The following BUD13 variants were observed in gnomAD, a reference collection of about 807,000 sequenced individuals.
BUD13 encodes the protein BUD13 homolog.
BUD13 carries 47 observed loss-of-function variants against 62.5 expected under a neutral mutation model. That is an observed-to-expected ratio of 0.75 (90% CI 0.60 to 0.96). The LOEUF (loss-of-function observed/expected upper bound fraction) is 0.96, where lower values mean the gene tolerates loss of function less well. Among genes scored for constraint, BUD13 ranks in the 40% least tolerant of loss-of-function variants. The probability of loss-of-function intolerance (pLI) is 0.00; values close to 1 mark genes in which losing one functional copy is unlikely to be tolerated. For synonymous variants in BUD13, 293 were observed against 280.1 expected (o/e 1.05, Z -0.46); for missense variants, 821 against 790.9 (o/e 1.04, Z -0.46).
intron 2 of BUD13, 136 bp from the exon 3 acceptor site, chr11:116,765,582 G>A: frequency 5.2e-6 from 4 of 767,232 alleles, no homozygotes; most frequent in Non-Finnish European, 8.7e-6. Flanking sequence ...TCATGAAGAA[G>A]TAAGTAGGGG....
intron 9 of BUD13, among the ~76,000 whole-genome samples, chr11:116,753,380 G>A (rs181290688): frequency 8.0e-4 from 122 of 152,238 alleles, no homozygotes; most frequent in African/African-American, 2.7e-3. Flanking sequence ...ATACCATCAG[G>A]CCAATTAAAA....
intron 9 of BUD13, among the ~76,000 whole-genome samples, chr11:116,750,602 A>G (rs965247332): frequency 2.0e-5 from 3 of 151,988 alleles, no homozygotes; most frequent in Admixed American, 6.6e-5. Flanking sequence ...CTTACTAACC[A>G]TCCTTACTAC....
chr11:116,766,804 T>C (rs1316189111), intron 2 of BUD13, among the ~76,000 whole-genome samples: 2 of 152,200 alleles, frequency 1.3e-5, no homozygotes, highest in Non-Finnish European at 2.9e-5. Context: ...AATTCAGTAA[T>C]CAAGATCTGT....
At chr11:116,750,003 G>T (rs560676719) in intron 9 of BUD13, among the ~76,000 whole-genome samples, 5 of 152,318 alleles carry the variant, frequency 3.3e-5, no homozygotes, top group Non-Finnish European at 7.4e-5. Flanking sequence ...TGAATACAAT[G>T]CATTTGAAAT....
Position 116,772,901 on chromosome 11 carries a change from C to G in BUD13, c.64G>C (p.Ala22Pro). Residue 22 changes from alanine (A) to proline (P), a missense_variant, in exon 1 of 10, where the codon GCC (alanine) becomes CCC (proline). By Grantham distance (27) the Ala-to-Pro change is conservative. This residue lies in a region of BUD13 where 800 missense variants were observed against 739.2 expected (regional missense o/e 1.08). Coordinates refer to ENST00000260210, the MANE Select transcript of BUD13 (RefSeq NM_032725.4). ...GACTCAGATCCCCGGTCGACGCCGGCATCTGCCCCGGACAAGTAACGCTTC... is the reference window on the plus strand; with the variant it reads ...GACTCAGATCCCCGGTCGACGCCGGGATCTGCCCCGGACAAGTAACGCTTC... Reference protein sequence around the residue: ...YLKRYLSGADAGVDRGSESGR... With the variant: ...YLKRYLSGADPGVDRGSESGR... The G allele has an allele frequency of 6.3e-7, 1 of 1,590,216 alleles. No homozygotes were observed. The highest frequency in any genetic ancestry group is 1.4e-5 in the African/African-American group (1 of 73,408).
Position 116,760,770 on chromosome 11 carries a change from A to T in BUD13, c.1219T>A (p.Ser407Thr). The change falls in exon 5 of 10, where the codon TCC becomes ACC. Residue 407 changes from serine (S) to threonine (T), a missense_variant. By Grantham distance (58) the Ser-to-Thr change is moderately conservative. Coordinates refer to ENST00000260210, the MANE Select transcript of BUD13 (RefSeq NM_032725.4). ...GGAGGCTGACTCCTTCGAGGCGGGG[A>T]CAGGTCAGAATCAGAAGATTTGGTC... is the stretch of plus-strand genomic sequence containing the variant. The part of the protein sequence containing the change: ...QRTKSSDSDL[S>T]PPRRSQPPGK... The T allele has an allele frequency of 3.7e-6, 6 of 1,614,108 alleles. No homozygotes were observed. The highest frequency in any genetic ancestry group is 2.5e-6 in the Non-Finnish European group (3 of 1,179,998).
intron 9 of BUD13, among the ~76,000 whole-genome samples, chr11:116,750,850 G>C (rs930875475): frequency 6.6e-6 from 1 of 152,126 alleles, no homozygotes; most frequent in African/African-American, 2.4e-5. Flanking sequence ...ATCACGGTCT[G>C]CCAACCTCTC....
chr11:116,769,206 T>C (rs1215226661), intron 2 of BUD13, among the ~76,000 whole-genome samples: 1 of 152,110 alleles, frequency 6.6e-6, no homozygotes, highest in Non-Finnish European at 1.5e-5. Flanking sequence ...ACCTGGCTCT[T>C]ACTTACCCTT....
chr11:116,758,882 G>A (rs990260916), intron 6 of BUD13, among the ~76,000 whole-genome samples, 192 bp downstream of exon 6: 2 of 152,018 alleles, frequency 1.3e-5, no homozygotes, highest in Admixed American at 6.6e-5. Context: ...ATGAGCCACC[G>A]CGCCTGGGCG....
At position 116,762,556 on chromosome 11, in the gene BUD13, T is replaced by G; in HGVS notation, c.1033A>C (p.Lys345Gln). The G allele has an allele frequency of 6.2e-7, 1 of 1,605,682 alleles. No homozygotes were observed. The highest frequency in any genetic ancestry group is 1.1e-5 in the South Asian group (1 of 89,670). The change falls in exon 4 of 10, where the codon AAA becomes CAA. Residue 345 changes from lysine to glutamine, a missense_variant. Transcript: ENST00000260210. ...TCATGGACAGTCATATGCTCACCTT[T>G]GGAATCAAGCTGCTTCTTGTCTCCA... ...HFGDKKQLDS[K>Q]GDCQKATDSD...
At chr11:116,763,367 G>A in intron 3 of BUD13, 101 bp from the exon 4 acceptor site, 1 of 1,085,668 alleles carries the variant, frequency 9.2e-7, no homozygotes, top group South Asian at 1.9e-5. Context: ...ACATACCTCA[G>A]AACTGCTCAG....
chr11:116,750,064 G>C (rs747731301), intron 9 of BUD13, among the ~76,000 whole-genome samples: 1 of 152,186 alleles, frequency 6.6e-6, no homozygotes, highest in South Asian at 2.1e-4. Flanking sequence ...AAATACACCA[G>C]ACCAAGATGC....
At chr11:116,764,107 T>G (rs901175453) in intron 3 of BUD13, among the ~76,000 whole-genome samples, 2 of 152,244 alleles carry the variant, frequency 1.3e-5, no homozygotes, top group Non-Finnish European at 2.9e-5. Context: ...CTTTAAAATA[T>G]GTAAAGCTTT....
Position 116,760,735 on chromosome 11 carries a change from C to A in BUD13, c.1254G>T (p.Lys418Asn). 6.2e-7 allele frequency: 1 copy of A among 1,614,108 alleles called. No individual in the cohort carries two copies. The highest frequency in any genetic ancestry group is 1.1e-5 in the South Asian group (1 of 91,082). The change falls in exon 5 of 10, where the codon AAG becomes AAT. Residue 418 changes from lysine to asparagine, a missense_variant and splice_region_variant. Lys to Asn is a moderately conservative substitution (Grantham distance 94). Transcript: ENST00000260210. ...GGACATGGCTCCTGAAAATCCTGAC[C>A]TTCTTTCCAGGAGGCTGACTCCTTC... ...PPRRSQPPGK[K>N]AAHMYSGAKT... is the part of the protein sequence containing the mutation.
At chr11:116,770,712 T>A (rs892651686) in intron 1 of BUD13, among the ~76,000 whole-genome samples, 1 of 152,132 alleles carries the variant, frequency 6.6e-6, no homozygotes, top group Non-Finnish European at 1.5e-5. Flanking sequence ...GTCAGGATGG[T>A]CTCGATCTCC....
chr11:116,757,015 AAAG>A, intron 9 of BUD13, 128 bp downstream of exon 9: 3 of 799,562 alleles, frequency 3.8e-6, no homozygotes, highest in South Asian at 1.8e-5. Context: ...GACCTCAGAA[AAAG>A]AAGCAAGCAA....
intron 8 of BUD13, 79 bp from the exon 9 acceptor site, chr11:116,757,306 C>CT (rs1184415535): frequency 6.8e-4 from 906 of 1,323,848 alleles, no homozygotes; most frequent in Non-Finnish European, 7.8e-4. Context: ...TGGAATTTTC[C>CT]TTTTTTTTTA....
In BUD13 at chr11:116,758,182, TAATAAGA is replaced by T. The variant is rs1940365262; in HGVS notation, c.1499+80_1499+86del. 6 of 1,560,390 alleles carry T rather than the reference TAATAAGA, an allele frequency of 3.8e-6. No individual in the cohort carries two copies. In the South Asian group the frequency reaches 7.2e-5, roughly 19 times the overall value. ...ATTACTGATAACAGCTCTGAAGGCA[TAATAAGA>T]AAGTGAGTGATCAGAAGAGCAGAGA... is the stretch of plus-strand genomic sequence containing the variant. On this transcript the variant is annotated intron_variant, in intron 7 of 9. Coordinates refer to ENST00000260210, the MANE Select transcript of BUD13 (RefSeq NM_032725.4).
At chr11:116,772,372 A>G (rs1454430566) in intron 1 of BUD13, among the ~76,000 whole-genome samples, 1 of 152,220 alleles carries the variant, frequency 6.6e-6, no homozygotes, top group Non-Finnish European at 1.5e-5. Context: ...TTAGCTTCTC[A>G]CGTTAGGACT....
Sources: allele counts gnomAD v4.1 joint callset (sites outside exome capture counted in the v4.1 genomes callset), GRCh38; gene constraint gnomAD v4.1.1; regional missense constraint gnomAD v4.1.1; transcripts MANE v1.5; gene names NCBI Gene and HGNC (gene_info 2026-07-23, HGNC 2026-07-21).